The following LITAF variants were observed in gnomAD, a reference collection of about 807,000 sequenced individuals.
LITAF encodes the protein lipopolysaccharide induced TNF factor.
LITAF carries 9 observed loss-of-function variants against 14.5 expected under a neutral mutation model. That is an observed-to-expected ratio of 0.62 (90% confidence interval 0.37 to 1.08). LITAF has a LOEUF of 1.08. LITAF is among the 50% of genes least tolerant of loss of function. LITAF has a pLI of 0.01. For synonymous variants in LITAF, 98 were observed against 88.2 expected (o/e 1.11, Z -0.62); for missense variants, 206 against 213.4 (o/e 0.97, Z 0.22).
intron 3 of LITAF, among the ~76,000 whole-genome samples, chr16:11,624,407 A>G (rs1334772261): frequency 3.3e-5 from 5 of 152,222 alleles, no homozygotes; most frequent in African/African-American, 1.2e-4. Context: ...ATTCATGATA[A>G]CAAGCCCCTC....
chr16:11,632,422 G>T lies in LITAF; in HGVS notation c.85+1111C>A, dbSNP rs1043492314. Reference sequence around the variant, plus strand: ...CAGAGACAGGGAGAGGGACAGAGAGGGCTACTATGCTCCACTGTCTGCTGG... The same window carrying T: ...CAGAGACAGGGAGAGGGACAGAGAGTGCTACTATGCTCCACTGTCTGCTGG... On this transcript the variant is annotated intron_variant, in intron 3 of 3. Coordinates refer to the LITAF transcript ENST00000574848. The surrounding 1 kb of genome is among the most constrained non-coding windows in gnomAD (Gnocchi z 4.8). Among the ~76,000 whole-genome samples, 4 of 151,844 alleles carry T rather than the reference G, an allele frequency of 2.6e-5. No homozygotes were observed. Among genetic ancestry groups the T allele is most frequent in the African/African-American group, 9.7e-5 (4 of 41,430 alleles).
intron 3 of LITAF, among the ~76,000 whole-genome samples, chr16:11,613,036 A>T (rs2064992544): frequency 6.6e-6 from 1 of 151,214 alleles, no homozygotes; most frequent in South Asian, 2.1e-4. Flanking sequence ...ATTTTTTTTT[A>T]TTTGTTTTTT....
intron 1 of LITAF, among the ~76,000 whole-genome samples, chr16:11,580,811 C>T (rs2064720720): frequency 1.3e-5 from 2 of 152,166 alleles, no homozygotes; most frequent in Admixed American, 1.3e-4. Flanking sequence ...GTCACTCAGG[C>T]GGGAGTGCGG....
At chr16:11,556,234 C>T (rs920907255) in intron 2 of LITAF, 22 of 536,006 alleles carry the variant, frequency 4.1e-5, no homozygotes, top group Admixed American at 2.7e-4. Flanking sequence ...CTCCCATTCT[C>T]AGAAGAAAGT....
chr16:11,568,287 CGA>C (rs1491251729), intron 1 of LITAF, among the ~76,000 whole-genome samples: 8 of 139,726 alleles, frequency 5.7e-5, no homozygotes, highest in African/African-American at 2.2e-4. Context: ...GACCCTGTCT[CGA>C]AAAAAAAAAA....
upstream of LITAF, among the ~76,000 whole-genome samples, chr16:11,591,435 T>C (rs1054467390): frequency 2.0e-5 from 3 of 150,498 alleles, no homozygotes; most frequent in African/African-American, 7.4e-5. Flanking sequence ...TCCTCCCACC[T>C]CCACCTCCCA....
intron 3 of LITAF, among the ~76,000 whole-genome samples, chr16:11,616,852 C>A (rs1012139308): frequency 2.1e-5 from 3 of 144,916 alleles, no homozygotes; most frequent in Non-Finnish European, 3.0e-5. Context: ...GTTGAGGCTG[C>A]AGTGAGCTGT....
At chr16:11,588,300 G>T (rs1413626876), upstream of LITAF, among the ~76,000 whole-genome samples, 1 of 152,092 alleles carries the variant, frequency 6.6e-6, no homozygotes, top group Non-Finnish European at 1.5e-5. Flanking sequence ...TTCAAGGCCA[G>T]GCTGGACAAC....
At chr16:11,637,778 G>C (rs1473856551), upstream of LITAF, among the ~76,000 whole-genome samples, 1 of 150,650 alleles carries the variant, frequency 6.6e-6, no homozygotes, top group Non-Finnish European at 1.5e-5. Context: ...CTACTCCAGA[G>C]GCTGAGGTGG....
intron 3 of LITAF, among the ~76,000 whole-genome samples, chr16:11,611,085 G>A (rs540165483): frequency 3.5e-4 from 53 of 152,208 alleles, no homozygotes; most frequent in African/African-American, 1.3e-3. Context: ...GCTAGGCATG[G>A]TGGCTCATGT....
At chr16:11,597,923 T>C (rs1250952514) in intron 1 of LITAF, among the ~76,000 whole-genome samples, 1 of 152,150 alleles carries the variant, frequency 6.6e-6, no homozygotes, top group Non-Finnish European at 1.5e-5. Context: ...TTTTTCTTTG[T>C]AGAGACAGGG....
At chr16:11,555,960 G>C (rs1597332061) in intron 2 of LITAF, among the ~76,000 whole-genome samples, 1 of 152,180 alleles carries the variant, frequency 6.6e-6, no homozygotes, top group African/African-American at 2.4e-5. Flanking sequence ...CTGAGCTAAA[G>C]ATTTCTTTCA....
In LITAF at chr16:11,567,720, C is replaced by T. The variant is rs2064475298; in HGVS notation, c.-5-10985G>A. On this transcript the variant is annotated intron_variant, in intron 1 of 3. Transcript: ENST00000622633. The stretch of plus-strand genomic sequence containing the variant: ...TAGTTCCAGGCCGGGCATGGTGGCT[C>T]ACGCCTGTAATCCCAGCATTTTGGG... Among the ~76,000 whole-genome samples, 6 of 152,284 alleles carry T rather than the reference C, an allele frequency of 3.9e-5. No individual in the cohort carries two copies. The South Asian group carries it at 8.3e-4, about 21-fold the overall frequency.
chr16:11,633,589 C>A (rs1471118642), exon 3 of LITAF: 1 of 152,144 alleles, frequency 6.6e-6, no homozygotes, highest in Non-Finnish European at 1.5e-5. Context: ...TACACTCCCA[C>A]CAGCACCATG....
chr16:11,593,342 G>A (rs1216338881), intron 1 of LITAF, among the ~76,000 whole-genome samples: 5 of 93,042 alleles, frequency 5.4e-5, no homozygotes, highest in South Asian at 7.3e-4. Context: ...GGAGACAAGC[G>A]AAACTCTGTC....
chr16:11,610,741 C>T (rs1232566705), intron 3 of LITAF, among the ~76,000 whole-genome samples: 1 of 152,180 alleles, frequency 6.6e-6, no homozygotes, highest in Admixed American at 6.5e-5. Context: ...AGGGGGCACT[C>T]TTCTCAAGTA....
chr16:11,634,115 CAGAG>C lies in LITAF; in HGVS notation c.-20-482_-20-479del, dbSNP rs2065129204. ...ACACACAGACATGAATACACATGTG[CAGAG>C]ACTCATATGGGCACTTATACACACA... is the stretch of plus-strand genomic sequence containing the variant. On this transcript the variant is annotated intron_variant, in intron 2 of 3. Coordinates refer to the LITAF transcript ENST00000574848. This position sits in a 1 kb window ranked among gnomAD's most constrained non-coding sequence, Gnocchi z 4.1. Among the ~76,000 whole-genome samples, 2 of 152,168 alleles carry C rather than the reference CAGAG, an allele frequency of 1.3e-5. No individual in the cohort carries two copies.
chr16:11,560,091 G>C (rs990803845), intron 1 of LITAF, among the ~76,000 whole-genome samples: 1 of 152,182 alleles, frequency 6.6e-6, no homozygotes, highest in Non-Finnish European at 1.5e-5. Flanking sequence ...GAGGTCAGGA[G>C]TTTGAGACCA....
At chr16:11,583,786 T>C (rs2064772049) in intron 1 of LITAF, among the ~76,000 whole-genome samples, 1 of 152,234 alleles carries the variant, frequency 6.6e-6, no homozygotes, top group Non-Finnish European at 1.5e-5. Context: ...TTATTTTCTC[T>C]GAAGCCTCCA....
Sources: gnomAD v4.1 joint callset for allele counts (sites outside exome capture counted in the v4.1 genomes callset) on GRCh38, gnomAD v4.1.1 for gene constraint, Gnocchi (gnomAD v3.1) non-coding constraint, MANE v1.5 for transcripts, NCBI Gene and HGNC (gene_info 2026-07-23, HGNC 2026-07-21) for gene names.